The following KLHL1 variants were observed in gnomAD, a reference collection of about 807,000 sequenced individuals.
The protein encoded by KLHL1 is kelch like family member 1, also known as kelch-like protein 1.
A neutral mutation model predicts 77.7 loss-of-function variants in KLHL1; 47 were observed. The observed-to-expected ratio is 0.60, with a 90% confidence interval of 0.48 to 0.77. The LOEUF (loss-of-function observed/expected upper bound fraction) is 0.77, where lower values mean the gene tolerates loss of function less well. KLHL1 is among the 30% of genes least tolerant of loss of function. KLHL1 has a pLI of 0.00. For synonymous variants in KLHL1, 360 were observed against 325.2 expected (o/e 1.11, Z -1.15); for missense variants, 925 against 910.8 (o/e 1.02, Z -0.20).
intron 1 of KLHL1, among the ~76,000 whole-genome samples, chr13:69,996,075 CG>C (rs1885143588): frequency 6.6e-6 from 1 of 151,942 alleles, no homozygotes; most frequent in Admixed American, 6.6e-5. Context: ...GAGGTCAATG[CG>C]GGAGGATCAT....
chr13:69,833,230 A>C (rs1878833288), intron 6 of KLHL1, among the ~76,000 whole-genome samples: 1 of 152,208 alleles, frequency 6.6e-6, no homozygotes, highest in South Asian at 2.1e-4. Context: ...AAATGTCCAG[A>C]ATCTACAAAG....
chr13:70,004,863 A>G (rs1334574101), intron 1 of KLHL1, among the ~76,000 whole-genome samples: 1 of 151,516 alleles, frequency 6.6e-6, no homozygotes, highest in African/African-American at 2.4e-5. Flanking sequence ...TTTGAAAATT[A>G]TATTTATAAC....
intron 1 of KLHL1, among the ~76,000 whole-genome samples, chr13:69,989,251 T>A (rs993504282): frequency 6.6e-6 from 1 of 151,956 alleles, no homozygotes; most frequent in Admixed American, 6.6e-5. Context: ...GTCACCTTTG[T>A]CAAAAATCAT....
chr13:70,080,666 G>C (rs1487131896), intron 1 of KLHL1, among the ~76,000 whole-genome samples: 1 of 152,026 alleles, frequency 6.6e-6, no homozygotes. Context: ...TCGTGATCTT[G>C]GCTCACGGCA....
chr13:69,993,228 A>G (rs1245875326), intron 1 of KLHL1, among the ~76,000 whole-genome samples: 1 of 152,108 alleles, frequency 6.6e-6, no homozygotes, highest in Non-Finnish European at 1.5e-5. Flanking sequence ...CTTACAAACA[A>G]GGATGGTCCA....
At chr13:69,909,090 AAT>A (rs1024452823) in intron 4 of KLHL1, among the ~76,000 whole-genome samples, 345 of 149,542 alleles carry the variant, frequency 2.3e-3, no homozygotes, top group Non-Finnish European at 4.1e-3. Context: ...ATGTAAAATA[AAT>A]ATATATATAT....
intron 1 of KLHL1, among the ~76,000 whole-genome samples, chr13:70,039,075 T>G (rs926376538): frequency 9.7e-4 from 114 of 118,064 alleles, no homozygotes; most frequent in African/African-American, 3.8e-3. Flanking sequence ...TTTTTTTTTT[T>G]GTAATGGACA....
chr13:69,869,238 A>G (rs1593903594), intron 5 of KLHL1, among the ~76,000 whole-genome samples: 1 of 152,284 alleles, frequency 6.6e-6, no homozygotes, highest in African/African-American at 2.4e-5. Flanking sequence ...TACTGTTTAC[A>G]GTAACTTAAA....
At chr13:69,983,595 G>T in intron 1 of KLHL1, among the ~76,000 whole-genome samples, 1 of 103,564 alleles carries the variant, frequency 9.7e-6, no homozygotes, top group African/African-American at 5.4e-5. Context: ...AAAAAAAGAA[G>T]AAGAAGAAGA....
Position 69,771,711 on chromosome 13 carries a change from TG to T in KLHL1, c.1639+25026del, listed in dbSNP as rs540534685. Among the ~76,000 whole-genome samples the T allele has an allele frequency of 4.9e-3, 748 of 152,268 alleles. 4 individuals are homozygous for T. The highest frequency in any genetic ancestry group is 0.018 in the African/African-American group (731 of 41,552). ...TATGTGGGTGCATAGTTTTTAGATT[TG>T]GGGGCTTCTTCATTGATCAGATTGA... On this transcript the variant is annotated intron_variant, in intron 7 of 10. Coordinates refer to ENST00000377844, the MANE Select transcript of KLHL1 (RefSeq NM_020866.3).
intron 7 of KLHL1, among the ~76,000 whole-genome samples, chr13:69,743,411 T>C (rs1344109938): frequency 2.0e-5 from 3 of 152,152 alleles, no homozygotes; most frequent in Non-Finnish European, 4.4e-5. Context: ...AGTGAAAATA[T>C]TTGAAATATA....
intron 4 of KLHL1, among the ~76,000 whole-genome samples, chr13:69,920,173 GT>G (rs542541538): frequency 1.3e-5 from 2 of 151,894 alleles, no homozygotes; most frequent in Non-Finnish European, 2.9e-5. Flanking sequence ...ATTTGAAAGA[GT>G]TTTTTTTAAA....
At chr13:69,737,556 C>T (rs1873813510) in intron 8 of KLHL1, among the ~76,000 whole-genome samples, 1 of 152,188 alleles carries the variant, frequency 6.6e-6, no homozygotes, top group Non-Finnish European at 1.5e-5. Context: ...GCTGCTGGTG[C>T]CAGCAAGACT....
intron 1 of KLHL1, among the ~76,000 whole-genome samples, chr13:70,018,051 CA>C (rs3072681): frequency 2.0e-5 from 3 of 151,282 alleles, no homozygotes; most frequent in African/African-American, 2.4e-5. Flanking sequence ...AGAACTAGCG[CA>C]AAAAAAAGTT....
chr13:69,731,040 A>AT (rs1013052673), intron 8 of KLHL1, among the ~76,000 whole-genome samples: 2 of 152,134 alleles, frequency 1.3e-5, no homozygotes, highest in African/African-American at 4.8e-5. Flanking sequence ...ATGCTTAAAA[A>AT]ATCATTTTCA....
chr13:70,034,209 G>A (rs1886185548), intron 1 of KLHL1, among the ~76,000 whole-genome samples: 1 of 152,124 alleles, frequency 6.6e-6, no homozygotes, highest in South Asian at 2.1e-4. Flanking sequence ...TATTCTAAAT[G>A]AGTTATTATT....
intron 6 of KLHL1, among the ~76,000 whole-genome samples, chr13:69,820,832 T>A (rs571389929): frequency 6.6e-6 from 1 of 152,294 alleles, no homozygotes; most frequent in South Asian, 2.1e-4. Flanking sequence ...TAAATTAGAT[T>A]TGGGTCAAAC....
intron 1 of KLHL1, among the ~76,000 whole-genome samples, chr13:70,075,713 C>T (rs1334527040): frequency 7.3e-6 from 1 of 137,862 alleles, no homozygotes; most frequent in South Asian, 2.3e-4. Flanking sequence ...GAAAATTAAA[C>T]CTGAATTACA....
At chr13:69,970,329 G>A (rs1884345145) in intron 2 of KLHL1, among the ~76,000 whole-genome samples, 1 of 151,892 alleles carries the variant, frequency 6.6e-6, no homozygotes, top group African/African-American at 2.4e-5. Context: ...GTTTCTAATT[G>A]GTGCACTTCC....
Sources: gnomAD v4.1 joint callset for allele counts (sites outside exome capture counted in the v4.1 genomes callset) on GRCh38, gnomAD v4.1.1 for gene constraint, MANE v1.5 for transcripts, NCBI Gene and HGNC (gene_info 2026-07-23, HGNC 2026-07-21) for gene names.